MGRN1: variants seen among roughly 807,000 people sequenced by gnomAD.
The protein encoded by MGRN1 is E3 ubiquitin-protein ligase MGRN1.
A neutral mutation model predicts 69.2 loss-of-function variants in MGRN1; 29 were observed. The ratio of observed to expected loss-of-function variants is 0.42; its 90% CI spans 0.31 to 0.57. The LOEUF (loss-of-function observed/expected upper bound fraction) is 0.57, where lower values mean the gene tolerates loss of function less well. Among genes scored for constraint, MGRN1 ranks in the 20% least tolerant of loss-of-function variants. MGRN1 has a pLI of 0.15. For synonymous variants in MGRN1, 470 were observed against 344.2 expected, an observed-to-expected ratio of 1.37 and a Z score of -4.04; for missense variants, 998 against 796.2, an observed-to-expected ratio of 1.25 and a Z score of -3.05.
intron 8 of MGRN1, 135 bp from the exon 9 acceptor site, chr16:4,671,256 C>T: frequency 1.3e-6 from 1 of 763,082 alleles, no homozygotes; most frequent in Non-Finnish European, 2.2e-6. Flanking sequence ...CTTCTCCTGG[C>T]CCCCAGGGGT....
intron 4 of MGRN1, among the ~76,000 whole-genome samples, chr16:4,654,420 G>A (rs2078483763): frequency 6.6e-6 from 1 of 152,190 alleles, no homozygotes; most frequent in African/African-American, 2.4e-5. Flanking sequence ...GGTCCTTCTG[G>A]CCCTGAAAGT....
chr16:4,652,536 A>G, intron 3 of MGRN1, 142 bp from the exon 4 acceptor site: 2 of 1,095,820 alleles, frequency 1.8e-6, no homozygotes, highest in Admixed American at 3.1e-5. Flanking sequence ...ATGTACAAAT[A>G]GGAAACAGCC....
intron 1 of MGRN1, among the ~76,000 whole-genome samples, chr16:4,631,902 A>AGTT (rs138593546): frequency 0.76 from 103,298 of 135,360 alleles, 37,391 homozygotes; most frequent in East Asian, 0.9. Flanking sequence ...TTAGCTTCTC[A>AGTT]GTTGTTTTTT....
At chr16:4,675,959 C>T (rs1014112694) in intron 10 of MGRN1, among the ~76,000 whole-genome samples, 1 of 152,340 alleles carries the variant, frequency 6.6e-6, no homozygotes, top group East Asian at 1.9e-4. Context: ...AGGCCCTTGC[C>T]CTGGATCCTG....
chr16:4,634,023 A>C (rs1260008684), intron 1 of MGRN1: 2 of 152,274 alleles, frequency 1.3e-5, no homozygotes, highest in East Asian at 3.9e-4. Context: ...AGCAATCCTA[A>C]CAGGCTGTGA....
chr16:4,684,044 T>A, intron 16 of MGRN1, 112 bp downstream of exon 16: 3 of 946,674 alleles, frequency 3.2e-6, no homozygotes, highest in Non-Finnish European at 3.2e-6. Context: ...CATTGGAGCC[T>A]GGTTCTCTCC....
intron 6 of MGRN1, 111 bp from the exon 7 acceptor site, chr16:4,664,991 C>G: frequency 1.5e-6 from 2 of 1,320,254 alleles, no homozygotes; most frequent in East Asian, 2.3e-5. Flanking sequence ...ACTCTATGGA[C>G]TCTGTGCAGG....
chr16:4,664,875 G>T, intron 6 of MGRN1, 100 bp downstream of exon 6: 1 of 1,488,322 alleles, frequency 6.7e-7, no homozygotes, highest in South Asian at 1.2e-5. Context: ...AGCAGGCCAG[G>T]CATAGGGCCT....
At chr16:4,668,818 ACACT>A (rs1254717287) in intron 8 of MGRN1, among the ~76,000 whole-genome samples, 1 of 152,102 alleles carries the variant, frequency 6.6e-6, no homozygotes, top group Non-Finnish European at 1.5e-5. Context: ...ATACAGACAC[ACACT>A]CATACACATA....
chr16:4,673,412 G>A (rs2078984833), intron 9 of MGRN1, 86 bp from the exon 10 acceptor site: 1 of 1,524,376 alleles, frequency 6.6e-7, no homozygotes, highest in Non-Finnish European at 8.9e-7. Flanking sequence ...GTAGGGTGGA[G>A]TGGGGTGGGA....
At chr16:4,687,185 C>T (rs1410856264) in intron 16 of MGRN1, 8 of 977,238 alleles carry the variant, frequency 8.2e-6, no homozygotes, top group African/African-American at 1.8e-5. Context: ...GATAGGAGGC[C>T]CTGTGAGGTT....
At chr16:4,684,624 G>A (rs1270102362) in intron 16 of MGRN1, among the ~76,000 whole-genome samples, 1 of 152,268 alleles carries the variant, frequency 6.6e-6, no homozygotes, top group African/African-American at 2.4e-5. Flanking sequence ...CTTTCCCGGA[G>A]GCTCGGGCCC....
At chr16:4,644,925 A>G (rs2078242379) in intron 1 of MGRN1, among the ~76,000 whole-genome samples, 1 of 152,138 alleles carries the variant, frequency 6.6e-6, no homozygotes, top group Non-Finnish European at 1.5e-5. Flanking sequence ...CCATTGCTTT[A>G]ACAAACACTC....
At chr16:4,664,600 C>A in intron 5 of MGRN1, 109 bp from the exon 6 acceptor site, 1 of 1,153,090 alleles carries the variant, frequency 8.7e-7, no homozygotes, top group Non-Finnish European at 1.3e-6. Context: ...CTGAGCTCTG[C>A]TGCTGCCTCC....
intron 5 of MGRN1, among the ~76,000 whole-genome samples, chr16:4,662,568 C>G (rs919240813): frequency 1.3e-5 from 2 of 152,080 alleles, no homozygotes; most frequent in Non-Finnish European, 2.9e-5. Context: ...TAGCAGCCAC[C>G]ACAGGCAGTG....
In MGRN1 at chr16:4,644,272, G is replaced by A. The variant is rs974066654; in HGVS notation, c.89-6093G>A. On this transcript the variant is annotated intron_variant, in intron 1 of 16. Transcript: ENST00000262370. Reference sequence around the variant, plus strand: ...CTCCCAAAGTGCTGGGTTTACAGGTGTTAGCCACCGTGCTTGGACCCCTCA... The same window carrying A: ...CTCCCAAAGTGCTGGGTTTACAGGTATTAGCCACCGTGCTTGGACCCCTCA... Among the ~76,000 whole-genome samples, 5 of 146,758 alleles carry A rather than the reference G, an allele frequency of 3.4e-5. No individual in the cohort carries two copies. In the East Asian group the frequency reaches 1.0e-3, roughly 30 times the overall value.
At chr16:4,651,085 G>A (rs2078396436) in intron 2 of MGRN1, 1 of 151,924 alleles carries the variant, frequency 6.6e-6, no homozygotes, top group African/African-American at 2.4e-5. Context: ...CTCCAGACTG[G>A]GCAACAAAGG....
chr16:4,680,432 G>A, intron 12 of MGRN1: 1 of 293,612 alleles, frequency 3.4e-6, no homozygotes, highest in Non-Finnish European at 6.5e-6. Flanking sequence ...TTTTGCAATC[G>A]CGCCCCGCGC....
At chr16:4,660,206 C>T (rs556116714) in intron 5 of MGRN1, among the ~76,000 whole-genome samples, 4 of 152,360 alleles carry the variant, frequency 2.6e-5, no homozygotes, top group African/African-American at 9.6e-5. Context: ...CGTTCTGCCG[C>T]TTTTTCTCTC....
Sources: gnomAD v4.1 joint callset for allele counts (sites outside exome capture counted in the v4.1 genomes callset) on GRCh38, gnomAD v4.1.1 for gene constraint, MANE v1.5 for transcripts, NCBI Gene and HGNC (gene_info 2026-07-23, HGNC 2026-07-21) for gene names.